The following MAP2K6 variants were observed in gnomAD, a reference collection of about 807,000 sequenced individuals.
MAP2K6 encodes the protein dual specificity mitogen-activated protein kinase kinase 6.
Under a neutral mutation model 53.7 loss-of-function variants are expected in MAP2K6, and 16 were observed. The ratio of observed to expected loss-of-function variants is 0.30; its 90% confidence interval spans 0.20 to 0.45. The LOEUF is 0.45. Ranked by LOEUF, MAP2K6 falls within the 20% of genes least tolerant of loss-of-function variation. MAP2K6 has a pLI of 1.00. For synonymous variants in MAP2K6, 132 were observed against 143.1 expected (o/e 0.92, Z 0.55); for missense variants, 204 against 411.9 (o/e 0.50, Z 4.37).
Position 69,414,760 on chromosome 17 carries a change from C to T in MAP2K6, c.-225C>T, listed in dbSNP as rs1905845881. On this transcript the variant is annotated 5_prime_UTR_variant, in exon 1 of 12. Coordinates refer to ENST00000590474, the MANE Select transcript of MAP2K6 (RefSeq NM_002758.4). ...CATCATGTAGCTGCAGCACAGCCTT[C>T]CCTAACGTTGCAACTGGGGGAAAAA... 7 of 525,600 alleles carry T rather than the reference C, an allele frequency of 1.3e-5. No homozygotes were observed. The South Asian group carries it at 1.4e-4, about 11-fold the overall frequency. 32.6% of individuals were successfully genotyped at this position (525,600 alleles called of 1,614,324 possible).
In MAP2K6 at chr17:69,422,392, G is replaced by A. The variant is rs191868476; in HGVS notation, c.16+7392G>A. ...GGTGATCCACCCACCTCGGCCTCCC[G>A]AAGCACTGGGATTACAGGTATGAGC... On this transcript the variant is annotated intron_variant, in intron 1 of 11. Coordinates refer to ENST00000590474, the MANE Select transcript of MAP2K6 (RefSeq NM_002758.4). Among the ~76,000 whole-genome samples, 41 of 151,892 alleles carry A rather than the reference G, an allele frequency of 2.7e-4. No individual in the cohort carries two copies. The East Asian group carries it at 6.4e-3, about 24-fold the overall frequency.
In MAP2K6 at chr17:69,546,982, A is replaced by C. The variant is rs1243213272; in HGVS notation, c.*5229A>C. 2.0e-5 allele frequency: 3 copies of C among 152,100 alleles called. No individual in the cohort carries two copies. Among genetic ancestry groups the C allele is most frequent in the South Asian group, 2.1e-4 (1 of 4,822 alleles). The allele number at this position is 152,100 out of a possible 1,614,324, so 9.4% of individuals were successfully genotyped here. On this transcript the variant is annotated 3_prime_UTR_variant, in exon 12 of 12. Transcript: ENST00000590474. ...CTACCAGACCCGATAGAATAGAAAG[A>C]AAGCTATTTTATTCTCGGAGGTCTA...
At chr17:69,514,024 C>T (rs1292159750) in intron 2 of MAP2K6, among the ~76,000 whole-genome samples, 1 of 151,660 alleles carries the variant, frequency 6.6e-6, no homozygotes, top group African/African-American at 2.4e-5. Flanking sequence ...AGGAGAATTG[C>T]TTGAACCCGG....
chr17:69,503,812 C>T (rs1909303900), intron 1 of MAP2K6, among the ~76,000 whole-genome samples: 1 of 152,098 alleles, frequency 6.6e-6, no homozygotes, highest in Non-Finnish European at 1.5e-5. Flanking sequence ...ATGTTATCTG[C>T]TTTGATTCTC....
intron 1 of MAP2K6, among the ~76,000 whole-genome samples, chr17:69,436,304 A>T (rs1906639781): frequency 6.6e-6 from 1 of 152,228 alleles, no homozygotes; most frequent in South Asian, 2.1e-4. Context: ...AGGTAGGGTT[A>T]AATGAAAATT....
At chr17:69,541,029 C>T (rs1163148555) in intron 11 of MAP2K6, among the ~76,000 whole-genome samples, 3 of 152,048 alleles carry the variant, frequency 2.0e-5, no homozygotes, top group Non-Finnish European at 4.4e-5. Flanking sequence ...TTTGGGAGGC[C>T]GAGGCTGGCA....
At chr17:69,455,344 G>A (rs1485077214) in intron 1 of MAP2K6, among the ~76,000 whole-genome samples, 3 of 152,126 alleles carry the variant, frequency 2.0e-5, no homozygotes, top group East Asian at 1.9e-4. Flanking sequence ...GTGAGGGATG[G>A]TATCCCTGCA....
At position 69,553,353 on chromosome 17, in the gene MAP2K6, T is replaced by C. The variant is rs1031599673; in HGVS notation, c.*11600T>C. On this transcript the variant is annotated 3_prime_UTR_variant, in exon 12 of 12. Transcript: ENST00000590474. ...AAATATTTCTGTGAATCTGTGTTTT[T>C]GACCAAGGAAACAGCTGAGATATTA... The C allele has an allele frequency of 2.6e-5, 4 of 152,246 alleles. No homozygotes were observed. The highest frequency in any genetic ancestry group is 9.6e-5 in the African/African-American group (4 of 41,472). The allele number at this position is 152,246 out of a possible 1,614,324, so 9.4% of individuals were successfully genotyped here. A position where few individuals can be genotyped will look rare whatever the true frequency, so the allele number is the denominator to read the frequency against.
chr17:69,447,768 G>A (rs1907023701), intron 1 of MAP2K6, among the ~76,000 whole-genome samples: 1 of 152,202 alleles, frequency 6.6e-6, no homozygotes, highest in Non-Finnish European at 1.5e-5. Flanking sequence ...CATTCAGAAG[G>A]GTGAGCATTA....
At chr17:69,515,174 T>TA (rs1910076041) in intron 2 of MAP2K6, among the ~76,000 whole-genome samples, 1 of 151,458 alleles carries the variant, frequency 6.6e-6, no homozygotes, top group South Asian at 2.1e-4. Flanking sequence ...TTTTTTTTTT[T>TA]AATACAGAGT....
chr17:69,418,980 G>C (rs915478395), intron 1 of MAP2K6, among the ~76,000 whole-genome samples: 4 of 151,860 alleles, frequency 2.6e-5, no homozygotes, highest in African/African-American at 9.7e-5. Flanking sequence ...GCTAATTACT[G>C]TTAGTTTTTT....
chr17:69,495,924 G>A (rs1042776046), intron 1 of MAP2K6, among the ~76,000 whole-genome samples: 1 of 152,044 alleles, frequency 6.6e-6, no homozygotes, highest in Non-Finnish European at 1.5e-5. Context: ...GGAAGGAGAT[G>A]AACCGAGACA....
At chr17:69,468,500 A>G (rs1433662839) in intron 1 of MAP2K6, among the ~76,000 whole-genome samples, 1 of 152,234 alleles carries the variant, frequency 6.6e-6, no homozygotes, top group Non-Finnish European at 1.5e-5. Context: ...ACGCAAACAT[A>G]ACTAATGTGT....
rs558879709 is a variant in MAP2K6, at chr17:69,553,369, T to C, written c.*11616T>C. ...CTGTGTTTTTGACCAAGGAAACAGCTGAGATATTAAACCATGTGGTTGTTC... is the reference window on the plus strand; with the variant it reads ...CTGTGTTTTTGACCAAGGAAACAGCCGAGATATTAAACCATGTGGTTGTTC... On this transcript the variant is annotated 3_prime_UTR_variant, in exon 12 of 12. Coordinates refer to ENST00000590474, the MANE Select transcript of MAP2K6 (RefSeq NM_002758.4). 1.2e-4 allele frequency: 19 copies of C among 152,368 alleles called. No individual in the cohort carries two copies. In the East Asian group the frequency reaches 2.9e-3, roughly 23 times the overall value. 9.4% of individuals were successfully genotyped at this position (152,368 alleles called of 1,614,324 possible). A position where few individuals can be genotyped will look rare whatever the true frequency, so the allele number is the denominator to read the frequency against.
chr17:69,470,891 C>T (rs914616834), intron 1 of MAP2K6, among the ~76,000 whole-genome samples: 3 of 152,132 alleles, frequency 2.0e-5, no homozygotes, highest in Admixed American at 6.5e-5. Context: ...TACCGTCTCC[C>T]ATCCCCACCT....
chr17:69,488,344 A>G (rs1414864375), intron 1 of MAP2K6, among the ~76,000 whole-genome samples: 1 of 152,190 alleles, frequency 6.6e-6, no homozygotes, highest in Non-Finnish European at 1.5e-5. Context: ...TAGTTCAGCC[A>G]CTCTGGAGAG....
At chr17:69,518,795 T>A (rs1278611138) in intron 4 of MAP2K6, among the ~76,000 whole-genome samples, 1 of 152,258 alleles carries the variant, frequency 6.6e-6, no homozygotes, top group Non-Finnish European at 1.5e-5. Flanking sequence ...TTTCCTAGTG[T>A]GACAGATTGT....
Position 69,535,465 on chromosome 17 carries a change from C to T in MAP2K6, c.882-650C>T, listed in dbSNP as rs141728508. ...AATTAGCCAGGCATGGTGGCACGTG[C>T]CTGTAATCCCAACTACTCAGGAGGC... On this transcript the variant is annotated intron_variant, in intron 10 of 11. Transcript: ENST00000590474. Among the ~76,000 whole-genome samples, 190 of 152,152 alleles carry T rather than the reference C, an allele frequency of 1.2e-3. 1 individual carries two copies. The highest frequency in any genetic ancestry group is 4.4e-3 in the African/African-American group (183 of 41,510).
intron 1 of MAP2K6, among the ~76,000 whole-genome samples, chr17:69,425,005 G>A (rs181163468): frequency 2.0e-5 from 3 of 152,312 alleles, no homozygotes; most frequent in Admixed American, 6.5e-5. Flanking sequence ...AAACTAAGCC[G>A]ACTCAAACCT....
Sources: allele counts gnomAD v4.1 joint callset (sites outside exome capture counted in the v4.1 genomes callset), GRCh38; gene constraint gnomAD v4.1.1; transcripts MANE v1.5; gene names NCBI Gene and HGNC (gene_info 2026-07-23, HGNC 2026-07-21).